Variants in ATP2C2 observed in about 807,000 individuals in gnomAD.
The protein encoded by ATP2C2 is calcium-transporting ATPase type 2C member 2.
Under a neutral mutation model 110.8 loss-of-function variants are expected in ATP2C2, and 171 were observed. The observed-to-expected ratio is 1.54, with a 90% confidence interval of 1.36 to 1.75. The LOEUF is 1.75. Among genes scored for constraint, ATP2C2 ranks in the 40% most tolerant of loss-of-function variants. The pLI, the probability that ATP2C2 is intolerant of heterozygous loss-of-function variation, is 0.00. For synonymous variants in ATP2C2, 804 were observed against 508.4 expected, an observed-to-expected ratio of 1.58 and a Z score of -7.82; for missense variants, 1,963 against 1,235.0, an observed-to-expected ratio of 1.59 and a Z score of -8.84.
chr16:84,437,190 ATATTT>A (rs1161963549), intron 11 of ATP2C2, among the ~76,000 whole-genome samples: 3 of 152,036 alleles, frequency 2.0e-5, no homozygotes, highest in Non-Finnish European at 4.4e-5. Context: ...CCATTTTAGA[ATATTT>A]TATTTTATTT....
intron 16 of ATP2C2, among the ~76,000 whole-genome samples, chr16:84,448,328 T>C (rs931842637): frequency 6.6e-6 from 1 of 152,168 alleles, no homozygotes; most frequent in African/African-American, 2.4e-5. Context: ...CCTTGTTCTT[T>C]CTCTGGACTG....
rs1216002468 is a variant in ATP2C2 at position 84,406,675 on chromosome 16, A to G, written c.327+1431A>G. 3.1e-6 allele frequency: 3 copies of G among 983,032 alleles called. No homozygotes were observed. In the African/African-American group the frequency reaches 5.2e-5, roughly 17 times the overall value. 60.9% of individuals were successfully genotyped at this position (983,032 alleles called of 1,614,324 possible). A position where few individuals can be genotyped will look rare whatever the true frequency, so the allele number is the denominator to read the frequency against. ...GTATGTAGGTGGTTCTGGCTAGCCCAGAAGCTTCCTAAAACTGCAGGGCTG... is the reference window on the plus strand; with the variant it reads ...GTATGTAGGTGGTTCTGGCTAGCCCGGAAGCTTCCTAAAACTGCAGGGCTG... On this transcript the variant is annotated intron_variant, in intron 3 of 26. Transcript: ENST00000262429.
At chr16:84,424,835 G>A (rs1194128410) in intron 10 of ATP2C2, among the ~76,000 whole-genome samples, 4 of 152,100 alleles carry the variant, frequency 2.6e-5, no homozygotes, top group Admixed American at 2.0e-4. Context: ...GTTGATTCTT[G>A]TGAGCTCCTG....
chr16:84,399,930 C>T (rs1039247321), intron 2 of ATP2C2, among the ~76,000 whole-genome samples: 1 of 152,202 alleles, frequency 6.6e-6, no homozygotes, highest in African/African-American at 2.4e-5. Flanking sequence ...TTTCCAGGCC[C>T]TGGTAACCAT....
chr16:84,405,778 G>A (rs117510332), intron 3 of ATP2C2, among the ~76,000 whole-genome samples: 8,089 of 152,202 alleles, frequency 0.053, 282 homozygotes, highest in Non-Finnish European at 0.083. Context: ...AAATTAGCCG[G>A]ATGTGGTAGT....
intron 12 of ATP2C2, 68 bp downstream of exon 12, chr16:84,439,358 C>T: frequency 6.2e-7 from 1 of 1,612,854 alleles, no homozygotes; most frequent in Non-Finnish European, 8.5e-7. Context: ...TCAGGGCAAT[C>T]CAGCCTGGGG....
chr16:84,444,759 A>G (rs568629074), intron 15 of ATP2C2, among the ~76,000 whole-genome samples: 2 of 152,198 alleles, frequency 1.3e-5, no homozygotes, highest in South Asian at 4.1e-4. Flanking sequence ...ATGTGTTATA[A>G]TTTTCCTTTT....
chr16:84,462,255 T>A, intron 26 of ATP2C2, 126 bp downstream of exon 26: 1 of 1,305,710 alleles, frequency 7.7e-7, no homozygotes, highest in Non-Finnish European at 1.0e-6. Flanking sequence ...AGGGGCCGGC[T>A]CTGTCTTCAG....
chr16:84,462,382 CG>C (rs1911467997), intron 26 of ATP2C2: 1 of 424,122 alleles, frequency 2.4e-6, no homozygotes, highest in African/African-American at 2.0e-5. Context: ...CAAGGGGCAC[CG>C]GCATCCCAGG....
chr16:84,391,066 A>G (rs1221063264), intron 1 of ATP2C2, among the ~76,000 whole-genome samples: 1 of 144,470 alleles, frequency 6.9e-6, no homozygotes, highest in Non-Finnish European at 1.5e-5. Context: ...GTGAGCCGAG[A>G]TCACACTGCT....
intron 1 of ATP2C2, among the ~76,000 whole-genome samples, chr16:84,381,755 G>A (rs527419166): frequency 1.1e-4 from 17 of 152,184 alleles, no homozygotes; most frequent in African/African-American, 4.1e-4. Flanking sequence ...GTTTCCTGCC[G>A]ACAGTTAGTT....
At chr16:84,386,804 G>A (rs373227514) in intron 1 of ATP2C2, among the ~76,000 whole-genome samples, 29 of 152,278 alleles carry the variant, frequency 1.9e-4, no homozygotes, top group African/African-American at 4.6e-4. Flanking sequence ...AAAGTCAAGC[G>A]GCTTGCTGAG....
At chr16:84,460,537 A>G (rs565553269) in intron 23 of ATP2C2, 117 bp from the exon 24 acceptor site, 1 of 1,449,710 alleles carries the variant, frequency 6.9e-7, no homozygotes, top group Admixed American at 1.7e-5. Context: ...CGTTCAGCAA[A>G]TGCCTGGCCC....
At chr16:84,397,671 A>AAAAAAAAAAAAAAAAAAAAAC (rs1567694790) in intron 1 of ATP2C2, among the ~76,000 whole-genome samples, 1 of 139,514 alleles carries the variant, frequency 7.2e-6, no homozygotes, top group East Asian at 2.1e-4. Context: ...AAAAAAAAAA[A>AAAAAAAAAAAAAAAAAAAAAC]AACTTGCTTA....
chr16:84,412,629 C>G (rs977701500), intron 6 of ATP2C2, among the ~76,000 whole-genome samples: 2 of 152,046 alleles, frequency 1.3e-5, no homozygotes, highest in Non-Finnish European at 2.9e-5. Context: ...ACAGCTCATT[C>G]TAAGCTTAAC....
chr16:84,452,151 G>T, intron 18 of ATP2C2, 60 bp downstream of exon 18: 2 of 1,591,582 alleles, frequency 1.3e-6, no homozygotes, highest in African/African-American at 1.3e-5. Flanking sequence ...TACGATGGGG[G>T]GCTGCTACCA....
intron 1 of ATP2C2, among the ~76,000 whole-genome samples, chr16:84,383,171 A>C (rs1010672003): frequency 2.0e-5 from 3 of 152,226 alleles, no homozygotes; most frequent in Non-Finnish European, 2.9e-5. Context: ...GGCCGCAAGC[A>C]GGTCCACTAG....
At chr16:84,430,123 T>C (rs1012605704) in intron 11 of ATP2C2, among the ~76,000 whole-genome samples, 2 of 152,204 alleles carry the variant, frequency 1.3e-5, no homozygotes, top group Non-Finnish European at 2.9e-5. Context: ...TGTTTGCACA[T>C]AAGGTCACAT....
chr16:84,371,547 AT>A (rs1424974952), intron 1 of ATP2C2, among the ~76,000 whole-genome samples: 1 of 152,208 alleles, frequency 6.6e-6, no homozygotes, highest in African/African-American at 2.4e-5. Flanking sequence ...GGCCTCCTTA[AT>A]TTAGTTACTA....
Sources: allele counts gnomAD v4.1 joint callset (sites outside exome capture counted in the v4.1 genomes callset), GRCh38; gene constraint gnomAD v4.1.1; transcripts MANE v1.5; gene names NCBI Gene and HGNC (gene_info 2026-07-23, HGNC 2026-07-21).